Variants in CRLF1 observed in about 807,000 individuals in gnomAD.
CRLF1 encodes cytokine receptor like factor 1.
Under a neutral mutation model 48.9 loss-of-function variants are expected in CRLF1, and 36 were observed. That is an observed-to-expected ratio of 0.74 (90% CI 0.56 to 0.97). The LOEUF is 0.97. Ranked by LOEUF, CRLF1 falls within the 50% of genes least tolerant of loss-of-function variation. The pLI is 0.00. For synonymous variants in CRLF1, 256 were observed against 253.4 expected (o/e 1.01, Z -0.10); for missense variants, 534 against 575.1 (o/e 0.93, Z 0.73).
At chr19:18,597,193 G>T in intron 4 of CRLF1, 144 bp from the exon 5 acceptor site, 1 of 745,188 alleles carries the variant, frequency 1.3e-6, no homozygotes, top group Non-Finnish European at 2.1e-6. Context: ...AGGACTGGTG[G>T]ATTACACGAT....
rs2145339292 is a variant in CRLF1, at chr19:18,606,159, A to T, written c.115+383T>A. Among the ~76,000 whole-genome samples, 1 of 151,318 alleles carries T rather than the reference A, an allele frequency of 6.6e-6. No individual in the cohort carries two copies. Among genetic ancestry groups the T allele is most frequent in the East Asian group, 2.0e-4 (1 of 5,060 alleles). ...CTGGGGGCCCGCACCCAGCGCGCCA[A>T]CCGCGTGCGCCCCCGCCTGGGAGCG... On this transcript the variant is annotated intron_variant, in intron 1 of 8. Transcript: ENST00000392386. The surrounding 1 kb of genome is among the most constrained non-coding windows in gnomAD (Gnocchi z 4.8).
At chr19:18,602,168 G>A (rs1976229429) in intron 1 of CRLF1, among the ~76,000 whole-genome samples, 1 of 152,172 alleles carries the variant, frequency 6.6e-6, no homozygotes, top group South Asian at 2.1e-4. Context: ...TGGCCATCAG[G>A]GCAGCCCAGG....
At chr19:18,596,861 C>G in intron 5 of CRLF1, 31 bp downstream of exon 5, 2 of 1,613,620 alleles carry the variant, frequency 1.2e-6, no homozygotes, top group Non-Finnish European at 1.7e-6. Flanking sequence ...CTGGAAGGAA[C>G]AGGGGCGGAG....
Position 18,599,715 on chromosome 19 carries a change from G to C in CRLF1, c.247C>G (p.Leu83Val). 6.2e-7 allele frequency: 1 copy of C among 1,609,006 alleles called. No homozygotes were observed. Among genetic ancestry groups the C allele is most frequent in the South Asian group, 1.1e-5 (1 of 90,396 alleles). The change falls in exon 2 of 9, where the codon CTG (leucine) becomes GTG (valine). Residue 83 changes from leucine to valine, a missense_variant. Transcript: ENST00000392386. The stretch of plus-strand genomic sequence containing the variant: ...AGTACACGGGAGAGCTCAGGGGGCA[G>C]GCGGCGCCCGTTGAGGGTCCAGTAG... ...GLYWTLNGRRLPPELSRVLNA... is the reference protein window; with the variant it reads ...GLYWTLNGRRVPPELSRVLNA...
In CRLF1 at chr19:18,599,823, C is replaced by A; in HGVS notation, c.139G>T (p.Asp47Tyr). Residue 47 changes from aspartate (D) to tyrosine (Y), a missense_variant, in exon 2 of 9, where the codon GAT becomes TAT. Transcript: ENST00000392386. ...GAGGAGCCGATGAGAAGCGTGGGAT[C>A]CTGGGGACTGATCACAGCTGTGTCT... ...GAHTAVISPQDPTLLIGSSLL... is the reference protein window; with the variant it reads ...GAHTAVISPQYPTLLIGSSLL... 6.4e-7 allele frequency: 1 copy of A among 1,557,288 alleles called. No individual in the cohort carries two copies.
At chr19:18,594,200 C>T (rs759145036) in intron 7 of CRLF1, 47 bp downstream of exon 7, 2 of 1,610,302 alleles carry the variant, frequency 1.2e-6, no homozygotes, top group African/African-American at 2.7e-5. Flanking sequence ...CTGGGCCCCC[C>T]CAGCTCCCTG....
Position 18,596,930 on chromosome 19 carries a change from G to A in CRLF1, c.817C>T (p.Gln273Ter), listed in dbSNP as rs1976144490. The A allele has an allele frequency of 6.2e-7, 1 of 1,614,014 alleles. No individual in the cohort carries two copies. Among genetic ancestry groups the A allele is most frequent in the African/African-American group, 1.3e-5 (1 of 74,936 alleles). ...CTGTCCTCCACTCGGTAGCGGATCT[G>A]GTATTTGGCTTGAAAGAGGAAATCC... ...LKDFLFQAKY[Q>*]IRYRVEDSVD... The change falls in exon 5 of 9, where the codon CAG becomes TAG. Residue 273 changes from glutamine to a stop codon, truncating the protein, a stop_gained. Transcript: ENST00000392386. LOFTEE classifies it high-confidence loss of function.
In CRLF1 at chr19:18,593,367, A is replaced by C. The variant is rs774358392; in HGVS notation, c.*199T>G. ...CAACTCAACCAACCCTCACACACAC[A>C]CACACACCCACTGGGGTGCACCCAA... On this transcript the variant is annotated 3_prime_UTR_variant, in exon 9 of 9. Transcript: ENST00000392386. 24 of 681,590 alleles carry C rather than the reference A, an allele frequency of 3.5e-5. No homozygotes were observed. The highest frequency in any genetic ancestry group is 5.0e-5 in the Non-Finnish European group (20 of 399,842). The allele number at this position is 681,590 out of a possible 1,614,324, so 42.2% of individuals were successfully genotyped here.
intron 1 of CRLF1, among the ~76,000 whole-genome samples, chr19:18,601,002 C>T (rs186340210): frequency 2.0e-5 from 3 of 152,194 alleles, no homozygotes; most frequent in Admixed American, 1.3e-4. Context: ...GATGAGGTCT[C>T]GCTAGTTTGC....
At chr19:18,595,482 G>A (rs1976120741) in intron 6 of CRLF1, among the ~76,000 whole-genome samples, 1 of 152,220 alleles carries the variant, frequency 6.6e-6, no homozygotes, top group Non-Finnish European at 1.5e-5. Flanking sequence ...TCTTCCCGGT[G>A]AACTAAGTTT....
chr19:18,594,032 T>TCCCCCCCCCCCCCCCCCCCCCCCCCCC, intron 8 of CRLF1, 33 bp downstream of exon 8: 1 of 695,814 alleles, frequency 1.4e-6, no homozygotes, highest in Non-Finnish European at 2.2e-6. Flanking sequence ...CTCCCCTTGC[T>TCCCCCCCCCCCCCCCCCCCCCCCCCCC]CCCTCCCGCC....
chr19:18,600,209 T>C (rs569814917), intron 1 of CRLF1, among the ~76,000 whole-genome samples: 1 of 152,328 alleles, frequency 6.6e-6, no homozygotes, highest in South Asian at 2.1e-4. Flanking sequence ...GCTTTGCTTT[T>C]TTTTTTTGAG....
Position 18,606,671 on chromosome 19 carries a change from CGG to C in CRLF1, c.-17_-16del, listed in dbSNP as rs1976302166. 2 of 567,282 alleles carry C rather than the reference CGG, an allele frequency of 3.5e-6. No homozygotes were observed. 35.1% of individuals were successfully genotyped at this position (567,282 alleles called of 1,614,324 possible). ...CCGGCGGGCATGGGGCCGGCGCTGC[CGG>C]GGGCGCGCGGCGGGCTGCGGCTCGG... On this transcript the variant is annotated 5_prime_UTR_variant, in exon 1 of 9. Transcript: ENST00000392386. This position sits in a 1 kb window ranked among gnomAD's most constrained non-coding sequence, Gnocchi z 4.8.
intron 1 of CRLF1, among the ~76,000 whole-genome samples, chr19:18,601,325 G>A (rs10406082): frequency 0.03 from 4,570 of 151,314 alleles, 232 homozygotes; most frequent in African/African-American, 0.11. Flanking sequence ...TGCCCAGGCT[G>A]GAGTGCAATG....
In CRLF1 at chr19:18,594,398, C is replaced by T. The variant is rs745875637; in HGVS notation, c.1061G>A (p.Arg354Gln). 8 of 1,572,286 alleles carry T rather than the reference C, an allele frequency of 5.1e-6. No individual in the cohort carries two copies. Among genetic ancestry groups the T allele is most frequent in the Middle Eastern group, 1.7e-4 (1 of 5,808 alleles). Reference protein sequence around the residue: ...PGPGGGACEPRGGEPSSGPVR... With the variant: ...PGPGGGACEPQGGEPSSGPVR... Reference sequence around the variant, plus strand: ...CGGCCCCGAGCTCGGCTCTCCGCCCCGCGGTTCGCACGCCCCGCCGCCCGG... The same window carrying T: ...CGGCCCCGAGCTCGGCTCTCCGCCCTGCGGTTCGCACGCCCCGCCGCCCGG... The change falls in exon 7 of 9, where the codon CGG (arginine) becomes CAG (glutamine). Residue 354 changes from arginine to glutamine, a missense_variant. Arg to Gln is a conservative substitution (Grantham distance 43). This residue lies in a region of CRLF1 where 528 missense variants were observed against 555.7 expected (regional missense o/e 0.95). Transcript: ENST00000392386.
chr19:18,597,113 G>A, intron 4 of CRLF1, 64 bp from the exon 5 acceptor site: 2 of 1,546,900 alleles, frequency 1.3e-6, no homozygotes, highest in Non-Finnish European at 1.8e-6. Flanking sequence ...CCCCAGCAGT[G>A]TGGCCCAGGG....
intron 3 of CRLF1, 38 bp downstream of exon 3, chr19:18,598,734 G>T (rs766802720): frequency 6.2e-7 from 1 of 1,614,084 alleles, no homozygotes; most frequent in Non-Finnish European, 8.5e-7. Context: ...CACGCAGCCA[G>T]CCTGGGACAC....
Position 18,598,911 on chromosome 19 carries a change from G to T in CRLF1, c.398-10C>A. The T allele has an allele frequency of 6.2e-7, 1 of 1,613,706 alleles. No individual in the cohort carries two copies. The highest frequency in any genetic ancestry group is 1.3e-5 in the African/African-American group (1 of 75,000). On this transcript the variant is annotated splice_polypyrimidine_tract_variant and intron_variant, in intron 2 of 8. Coordinates refer to ENST00000392386, the MANE Select transcript of CRLF1 (RefSeq NM_004750.5). ...GGTTTCTCTGGGGGCACTGGGAGAA[G>T]GGGAGGGTGCAGGAAGCAGGCTGAG...
chr19:18,594,466 G>A, intron 6 of CRLF1, 32 bp from the exon 7 acceptor site: 18 of 1,322,338 alleles, frequency 1.4e-5, no homozygotes, highest in Non-Finnish European at 1.6e-5. Flanking sequence ...GTGTCAGAGC[G>A]CGCCCGGCAG....
Sources: gnomAD v4.1 joint callset for allele counts (sites outside exome capture counted in the v4.1 genomes callset) on GRCh38, gnomAD v4.1.1 for gene constraint, gnomAD v4.1.1 regional missense constraint, Gnocchi (gnomAD v3.1) non-coding constraint, MANE v1.5 for transcripts, NCBI Gene and HGNC (gene_info 2026-07-23, HGNC 2026-07-21) for gene names.